The following PLCH1 variants were observed in gnomAD, a reference collection of about 807,000 sequenced individuals.
PLCH1 encodes phospholipase C eta 1.
In PLCH1, 60 loss-of-function variants were observed where a neutral mutation model predicts 126.7. That is an observed-to-expected ratio of 0.47 (90% CI 0.38 to 0.59). The LOEUF (loss-of-function observed/expected upper bound fraction) is 0.59, where lower values mean the gene tolerates loss of function less well. Ranked by LOEUF, PLCH1 falls within the 20% of genes least tolerant of loss-of-function variation. The probability of loss-of-function intolerance (pLI) is 0.00; values close to 1 mark genes in which losing one functional copy is unlikely to be tolerated. For missense variants in PLCH1, 1,723 were observed against 2,040.0 expected (o/e 0.84, Z 2.99); for synonymous variants, 719 against 734.9 (o/e 0.98, Z 0.35).
chr3:155,567,466 T>C (rs1728672986), intron 7 of PLCH1, among the ~76,000 whole-genome samples: 1 of 152,152 alleles, frequency 6.6e-6, no homozygotes, highest in South Asian at 2.1e-4. Flanking sequence ...TTCACACTGA[T>C]CTGGGAGCAG....
At chr3:155,568,833 C>A (rs193131805) in intron 6 of PLCH1, among the ~76,000 whole-genome samples, 1 of 151,484 alleles carries the variant, frequency 6.6e-6, no homozygotes, top group Admixed American at 6.6e-5. Context: ...CATGGTAATA[C>A]AGGAACACAA....
At chr3:155,730,590 T>C (rs1262224750) in intron 1 of PLCH1, among the ~76,000 whole-genome samples, 2 of 152,206 alleles carry the variant, frequency 1.3e-5, no homozygotes, top group Non-Finnish European at 2.9e-5. Flanking sequence ...TGCAACCTAA[T>C]TGTTGATTGA....
chr3:155,709,643 G>T lies in PLCH1; in HGVS notation c.-40-5379C>A, dbSNP rs572241279. ...ATTCATTTATTTATTTTGAGACAGG[G>T]TCTCACTCTGTCACTCAGGCCGAAG... On this transcript the variant is annotated intron_variant, in intron 1 of 22. Coordinates refer to ENST00000460012, the MANE Select transcript of PLCH1 (RefSeq NM_014996.4). 2.6e-5 allele frequency among the ~76,000 whole-genome samples: 4 copies of T among 152,164 alleles called. No homozygotes were observed. In the East Asian group the frequency reaches 7.7e-4, roughly 29 times the overall value.
At chr3:155,721,943 A>T (rs1243294571) in intron 1 of PLCH1, among the ~76,000 whole-genome samples, 4 of 151,992 alleles carry the variant, frequency 2.6e-5, no homozygotes, top group Non-Finnish European at 4.4e-5. Flanking sequence ...GCTACTCGGG[A>T]GGCTGAAGCA....
intron 2 of PLCH1, among the ~76,000 whole-genome samples, chr3:155,658,833 C>T (rs1169207581): frequency 6.6e-6 from 1 of 152,194 alleles, no homozygotes; most frequent in Non-Finnish European, 1.5e-5. Context: ...AGTAGTCACA[C>T]ATATAATTGT....
intron 10 of PLCH1, 73 bp downstream of exon 10, chr3:155,549,714 A>G: frequency 9.3e-7 from 1 of 1,075,596 alleles, no homozygotes; most frequent in Non-Finnish European, 1.4e-6. Context: ...CTTGAAACCC[A>G]TTTTTATTCT....
chr3:155,524,118 T>C (rs1721583515), intron 10 of PLCH1, 114 bp from the exon 11 acceptor site: 5 of 716,038 alleles, frequency 7.0e-6, no homozygotes, highest in Non-Finnish European at 1.2e-5. Flanking sequence ...AACGTGTATG[T>C]ACATACAATG....
intron 2 of PLCH1, among the ~76,000 whole-genome samples, chr3:155,654,284 G>T (rs1741110150): frequency 6.6e-6 from 1 of 151,828 alleles, no homozygotes; most frequent in Non-Finnish European, 1.5e-5. Context: ...ATCTGGAGGA[G>T]CCCAGGACTC....
chr3:155,524,328 T>A (rs6440998), intron 10 of PLCH1, among the ~76,000 whole-genome samples: 27 of 151,992 alleles, frequency 1.8e-4, no homozygotes, highest in African/African-American at 6.0e-4. Context: ...GAGTTGTTGC[T>A]GAATGGGTAT....
At chr3:155,576,527 G>A (rs751443700) in intron 6 of PLCH1, among the ~76,000 whole-genome samples, 12 of 152,150 alleles carry the variant, frequency 7.9e-5, no homozygotes, top group African/African-American at 1.4e-4. Flanking sequence ...ATAAAAATCT[G>A]ACCCACAGGC....
At chr3:155,459,725 TG>T (rs1359360248) in intron 21 of PLCH1, among the ~76,000 whole-genome samples, 3 of 151,992 alleles carry the variant, frequency 2.0e-5, no homozygotes, top group African/African-American at 7.3e-5. Context: ...CTAATAGCAA[TG>T]GGGATATGGG....
downstream of PLCH1, among the ~76,000 whole-genome samples, chr3:155,478,572 A>T (rs1484891409): frequency 6.6e-6 from 1 of 152,200 alleles, no homozygotes; most frequent in Non-Finnish European, 1.5e-5. Flanking sequence ...AAAAAAATTT[A>T]AAAAGGAAGA....
chr3:155,687,929 T>G (rs2109031428), intron 2 of PLCH1, among the ~76,000 whole-genome samples: 1 of 152,338 alleles, frequency 6.6e-6, no homozygotes, highest in South Asian at 2.1e-4. Context: ...TAAACATCCT[T>G]TGGATTCACA....
At chr3:155,542,917 A>AT (rs1285323188) in intron 10 of PLCH1, among the ~76,000 whole-genome samples, 2 of 152,186 alleles carry the variant, frequency 1.3e-5, no homozygotes, top group South Asian at 2.1e-4. Context: ...CCAAAAGTAG[A>AT]TAAAACCACA....
chr3:155,654,789 C>T (rs1412548090), intron 2 of PLCH1, among the ~76,000 whole-genome samples: 2 of 152,168 alleles, frequency 1.3e-5, no homozygotes, highest in Non-Finnish European at 2.9e-5. Flanking sequence ...CTCCATGGTG[C>T]AGTCTAAGAG....
intron 1 of PLCH1, among the ~76,000 whole-genome samples, chr3:155,730,472 G>A (rs987200198): frequency 1.3e-5 from 2 of 151,988 alleles, no homozygotes; most frequent in African/African-American, 2.4e-5. Context: ...GTAGAGACAG[G>A]GTTTCACCAT....
chr3:155,735,697 T>A (rs11923772), intron 1 of PLCH1, among the ~76,000 whole-genome samples: 72,744 of 150,546 alleles, frequency 0.48, 20,734 homozygotes, highest in African/African-American at 0.79. Context: ...AAGAAAAAGA[T>A]AAAAAAAGTA....
intron 1 of PLCH1, among the ~76,000 whole-genome samples, chr3:155,738,787 C>CAAA (rs34836979): frequency 8.0e-4 from 96 of 119,806 alleles, no homozygotes; most frequent in African/African-American, 2.9e-3. Context: ...ACTCCACCTC[C>CAAA]AAAAAAAAAA....
intron 12 of PLCH1, among the ~76,000 whole-genome samples, chr3:155,513,866 T>C (rs1218330416): frequency 6.6e-6 from 1 of 152,212 alleles, no homozygotes; most frequent in Non-Finnish European, 1.5e-5. Context: ...CACTTACCCA[T>C]GGCCACTATG....
Sources: allele counts gnomAD v4.1 joint callset (sites outside exome capture counted in the v4.1 genomes callset), GRCh38; gene constraint gnomAD v4.1.1; transcripts MANE v1.5; gene names NCBI Gene and HGNC (gene_info 2026-07-23, HGNC 2026-07-21).